The following BPIFA3 variants were observed in gnomAD, a reference collection of about 807,000 sequenced individuals.
The protein encoded by BPIFA3 is BPI fold containing family A member 3.
In BPIFA3, 32 loss-of-function variants were observed where a neutral mutation model predicts 29.7. The observed-to-expected ratio is 1.08, with a 90% confidence interval of 0.81 to 1.45. The LOEUF is 1.45. Ranked by LOEUF, BPIFA3 falls within the 40% of genes most tolerant of loss-of-function variation. The probability of loss-of-function intolerance (pLI) is 0.00; values close to 1 mark genes in which losing one functional copy is unlikely to be tolerated. For synonymous variants in BPIFA3, 112 were observed against 113.7 expected, an observed-to-expected ratio of 0.98 and a Z score of 0.10; for missense variants, 323 against 311.3, an observed-to-expected ratio of 1.04 and a Z score of -0.28.
At chr20:33,218,585 C>G (rs1047789088) in intron 1 of BPIFA3, among the ~76,000 whole-genome samples, 1 of 152,264 alleles carries the variant, frequency 6.6e-6, no homozygotes, top group Middle Eastern at 3.4e-3. Context: ...GGCTTGCAGA[C>G]GGACACCTTC....
intron 1 of BPIFA3, among the ~76,000 whole-genome samples, chr20:33,222,241 G>T (rs775743148): frequency 6.6e-6 from 1 of 152,254 alleles, no homozygotes; most frequent in South Asian, 2.1e-4. Flanking sequence ...TATCATCATG[G>T]TTTTATCCTC....
chr20:33,218,970 A>T lies in BPIFA3; in HGVS notation c.127+1307A>T, dbSNP rs191355039. Among the ~76,000 whole-genome samples, 230 of 152,178 alleles carry T rather than the reference A, an allele frequency of 1.5e-3. 2 individuals are homozygous for T. Among genetic ancestry groups the T allele is most frequent in the African/African-American group, 5.4e-3 (225 of 41,518 alleles). On this transcript the variant is annotated intron_variant, in intron 1 of 6. Transcript: ENST00000375454. ...ACCCAGGCTGCAGTGCAGTGGCATG[A>T]TCTTGGCTCACTGCAACGTCCACCT...
intron 1 of BPIFA3, among the ~76,000 whole-genome samples, chr20:33,218,255 G>C (rs141049111): frequency 1.2e-4 from 18 of 152,226 alleles, no homozygotes; most frequent in Non-Finnish European, 2.4e-4. Flanking sequence ...GCCTGTGGGA[G>C]AATTTCCCTG....
chr20:33,224,818 G>C (rs1985700147), intron 3 of BPIFA3, among the ~76,000 whole-genome samples: 1 of 152,194 alleles, frequency 6.6e-6, no homozygotes, highest in South Asian at 2.1e-4. Context: ...AAGAAAGGGA[G>C]GATGCAGCTA....
chr20:33,223,034 A>T (rs768860177), intron 1 of BPIFA3, among the ~76,000 whole-genome samples: 1 of 152,098 alleles, frequency 6.6e-6, no homozygotes, highest in African/African-American at 2.4e-5. Context: ...AGACCCAGGG[A>T]GATGATAGAG....
intron 1 of BPIFA3, chr20:33,223,344 G>C (rs1374581109): frequency 1.9e-5 from 3 of 156,266 alleles, no homozygotes; most frequent in African/African-American, 7.2e-5. Flanking sequence ...CATCTCCATA[G>C]CTTTAAAAAT....
In BPIFA3 at chr20:33,224,555, A is replaced by G. The variant is rs1166560585; in HGVS notation, c.386+93A>G. ...TCTTTCTGATCCCAACCTAAATTCA[A>G]ATCCTGGCTTCCAAAGCCACTTGCT... On this transcript the variant is annotated intron_variant, in intron 3 of 6. Coordinates refer to ENST00000375454, the MANE Select transcript of BPIFA3 (RefSeq NM_178466.5). The G allele has an allele frequency of 2.6e-6, 3 of 1,143,244 alleles. No homozygotes were observed. The African/African-American group carries it at 4.6e-5, about 17-fold the overall frequency. 70.8% of individuals were successfully genotyped at this position (1,143,244 alleles called of 1,614,324 possible).
chr20:33,219,679 TC>T (rs2146482179), intron 1 of BPIFA3, among the ~76,000 whole-genome samples: 3 of 152,348 alleles, frequency 2.0e-5, no homozygotes, highest in African/African-American at 7.2e-5. Context: ...ACTGCTGAAC[TC>T]CCTATGCTGT....
At chr20:33,223,998 T>C in intron 2 of BPIFA3, 37 bp downstream of exon 2, 3 of 1,607,346 alleles carry the variant, frequency 1.9e-6, no homozygotes, top group African/African-American at 1.3e-5. Context: ...CCTGGAACTC[T>C]TTATAGAGCT....
chr20:33,221,540 A>G (rs1177403704), intron 1 of BPIFA3, among the ~76,000 whole-genome samples: 1 of 152,250 alleles, frequency 6.6e-6, no homozygotes, highest in Non-Finnish European at 1.5e-5. Flanking sequence ...TTTTCTTGGT[A>G]CTGTCCTTGA....
At chr20:33,222,453 G>A (rs879598905) in intron 1 of BPIFA3, among the ~76,000 whole-genome samples, 1 of 152,240 alleles carries the variant, frequency 6.6e-6, no homozygotes, top group African/African-American at 2.4e-5. Flanking sequence ...ATAATCAACA[G>A]CCTCATCTAG....
intron 2 of BPIFA3, 49 bp downstream of exon 2, chr20:33,224,010 T>C (rs1985656664): frequency 1.0e-5 from 16 of 1,596,486 alleles, no homozygotes; most frequent in Non-Finnish European, 1.4e-5. Context: ...TATAGAGCTC[T>C]AGATCGAAGG....
Position 33,227,772 on chromosome 20 carries a change from C to A in BPIFA3, c.*155C>A. ...CTCTGAAGGGTGCACAGGTCCCTCC[C>A]ACCTGGGCCCTGGGGTTTAGGTCTA... is the stretch of plus-strand genomic sequence containing the variant. On this transcript the variant is annotated 3_prime_UTR_variant, in exon 7 of 7. Coordinates refer to ENST00000375454, the MANE Select transcript of BPIFA3 (RefSeq NM_178466.5). 1 of 614,736 alleles carries A rather than the reference C, an allele frequency of 1.6e-6. No individual in the cohort carries two copies. Among genetic ancestry groups the A allele is most frequent in the Non-Finnish European group, 2.9e-6 (1 of 349,964 alleles). The allele number at this position is 614,736 out of a possible 1,614,324, so 38.1% of individuals were successfully genotyped here.
intron 1 of BPIFA3, among the ~76,000 whole-genome samples, chr20:33,221,812 T>C (rs7360413): frequency 0.051 from 7,813 of 152,318 alleles, 688 homozygotes; most frequent in African/African-American, 0.18. Flanking sequence ...CCTTTTCATT[T>C]AGGTTATTGA....
intron 1 of BPIFA3, among the ~76,000 whole-genome samples, chr20:33,219,195 G>C (rs965621423): frequency 6.6e-6 from 1 of 152,176 alleles, no homozygotes; most frequent in Non-Finnish European, 1.5e-5. Flanking sequence ...GTAAGCCACT[G>C]TGCCCAGCCC....
At chr20:33,222,278 ATGG>A (rs1985547697) in intron 1 of BPIFA3, among the ~76,000 whole-genome samples, 1 of 152,236 alleles carries the variant, frequency 6.6e-6, no homozygotes, top group South Asian at 2.1e-4. Flanking sequence ...TGGTAGGAAA[ATGG>A]TGGCCCATGG....
rs528080437 is a variant in BPIFA3, at chr20:33,220,162, G to C, written c.127+2499G>C. The stretch of plus-strand genomic sequence containing the variant: ...GCCTGTAATCCCAGCACTTTGAGAG[G>C]CTGAGGTGGGCGAATCACAAGGTCA... On this transcript the variant is annotated intron_variant, in intron 1 of 6. Coordinates refer to ENST00000375454, the MANE Select transcript of BPIFA3 (RefSeq NM_178466.5). Among the ~76,000 whole-genome samples the C allele has an allele frequency of 6.6e-5, 10 of 151,960 alleles. No homozygotes were observed. In the East Asian group the frequency reaches 1.9e-3, roughly 29 times the overall value.
At chr20:33,223,487 A>AT in intron 1 of BPIFA3, 1 of 207,340 alleles carries the variant, frequency 4.8e-6, no homozygotes, top group Non-Finnish European at 9.7e-6. Context: ...TTCAACCAAC[A>AT]TTGACTCTGA....
chr20:33,226,757 C>T (rs942768717), intron 5 of BPIFA3, 173 bp from the exon 6 acceptor site: 13 of 688,120 alleles, frequency 1.9e-5, no homozygotes, highest in African/African-American at 1.3e-4. Context: ...GACAAAGCGT[C>T]GAAGTGTTGT....
Sources: allele counts gnomAD v4.1 joint callset (sites outside exome capture counted in the v4.1 genomes callset), GRCh38; gene constraint gnomAD v4.1.1; transcripts MANE v1.5; gene names NCBI Gene and HGNC (gene_info 2026-07-23, HGNC 2026-07-21).